Variants in NBAS observed in about 807,000 individuals in gnomAD.
NBAS encodes NAG/BC035112 fusion.
NBAS carries 219 observed loss-of-function variants against 302.5 expected under a neutral mutation model. The observed-to-expected ratio is 0.72, with a 90% CI of 0.65 to 0.81. The LOEUF (loss-of-function observed/expected upper bound fraction) is 0.81, where lower values mean the gene tolerates loss of function less well. Ranked by LOEUF, NBAS falls within the 30% of genes least tolerant of loss-of-function variation. NBAS has a pLI of 0.00. For synonymous variants in NBAS, 1,118 were observed against 1,021.6 expected, an observed-to-expected ratio of 1.09 and a Z score of -1.80; for missense variants, 2,932 against 2,841.6, an observed-to-expected ratio of 1.03 and a Z score of -0.72.
intron 28 of NBAS, among the ~76,000 whole-genome samples, chr2:15,391,276 A>T (rs1326925505): frequency 1.3e-5 from 2 of 152,192 alleles, no homozygotes; most frequent in East Asian, 3.8e-4. Flanking sequence ...TTAGAAAAAC[A>T]GACAAGAGTG....
At chr2:14,889,435 A>C in the NBAS span, among the ~76,000 whole-genome samples, 1 of 152,228 alleles carries the variant, frequency 6.6e-6, no homozygotes, top group East Asian at 1.9e-4. Flanking sequence ...ACTCAAACTG[A>C]AGGTCTCCTA....
At chr2:15,366,068 GA>G (rs1326518256) in intron 32 of NBAS, among the ~76,000 whole-genome samples, 1 of 152,154 alleles carries the variant, frequency 6.6e-6, no homozygotes, top group Non-Finnish European at 1.5e-5. Flanking sequence ...CATCATTTAT[GA>G]GATGATTAAA....
chr2:14,787,222 C>G, the NBAS span, among the ~76,000 whole-genome samples: 1 of 152,164 alleles, frequency 6.6e-6, no homozygotes, highest in African/African-American at 2.4e-5. Flanking sequence ...TGTCTCTGCA[C>G]ATGAGATGGG....
chr2:14,995,664 C>T, the NBAS span, among the ~76,000 whole-genome samples: 1 of 152,198 alleles, frequency 6.6e-6, no homozygotes, highest in South Asian at 2.1e-4. Context: ...CTAGCCTGGA[C>T]ACATCAACAT....
the NBAS span, among the ~76,000 whole-genome samples, chr2:15,120,944 C>G: frequency 2.0e-5 from 3 of 152,166 alleles, no homozygotes; most frequent in Admixed American, 2.0e-4. Flanking sequence ...TAATAAAATG[C>G]CTTTGTCACT....
intron 51 of NBAS, among the ~76,000 whole-genome samples, chr2:15,170,930 C>A (rs1268445696): frequency 1.3e-5 from 2 of 152,190 alleles, no homozygotes; most frequent in Non-Finnish European, 2.9e-5. Context: ...TGCTGGGTGT[C>A]CTGTCCCAAA....
the NBAS span, among the ~76,000 whole-genome samples, chr2:14,873,337 C>T: frequency 6.6e-6 from 1 of 152,226 alleles, no homozygotes; most frequent in Non-Finnish European, 1.5e-5. Context: ...CTTCACCTCT[C>T]ACTAGTAGCT....
intron 11 of NBAS, among the ~76,000 whole-genome samples, chr2:15,503,702 A>G (rs1661695136): frequency 6.6e-6 from 1 of 152,192 alleles, no homozygotes; most frequent in South Asian, 2.1e-4. Flanking sequence ...CTTAAAACCT[A>G]GGGTCAGGAG....
intron 21 of NBAS, among the ~76,000 whole-genome samples, chr2:15,460,350 G>A (rs1017588277): frequency 1.2e-4 from 18 of 152,298 alleles, no homozygotes; most frequent in Admixed American, 1.2e-3. Flanking sequence ...TAACTCAAAT[G>A]CAGAAAAGAT....
At chr2:15,139,450 T>C in the NBAS span, among the ~76,000 whole-genome samples, 2 of 152,176 alleles carry the variant, frequency 1.3e-5, no homozygotes, top group Non-Finnish European at 2.9e-5. Flanking sequence ...GATTTTAATA[T>C]GAGTTACTGC....
chr2:15,157,830 G>A, the NBAS span, among the ~76,000 whole-genome samples: 1 of 152,230 alleles, frequency 6.6e-6, no homozygotes, highest in African/African-American at 2.4e-5. Flanking sequence ...AGGTGACCCT[G>A]CGTGTGTCAC....
chr2:15,277,155 G>C, intron 42 of NBAS, 54 bp from the exon 43 acceptor site: 1 of 1,536,590 alleles, frequency 6.5e-7, no homozygotes, highest in Non-Finnish European at 8.6e-7. Flanking sequence ...TTATTAAAGT[G>C]ATTTTTTTTT....
At chr2:14,825,657 G>A in the NBAS span, among the ~76,000 whole-genome samples, 1 of 152,032 alleles carries the variant, frequency 6.6e-6, no homozygotes, top group African/African-American at 2.4e-5. Flanking sequence ...AAAAAAAAAT[G>A]GTCCCTGTAT....
the NBAS span, among the ~76,000 whole-genome samples, chr2:14,897,432 C>T: frequency 6.6e-6 from 1 of 152,118 alleles, no homozygotes; most frequent in Non-Finnish European, 1.5e-5. Context: ...CATTTATATG[C>T]ACCATTTTTC....
the NBAS span, among the ~76,000 whole-genome samples, chr2:15,005,543 G>A: frequency 2.6e-5 from 4 of 152,334 alleles, no homozygotes; most frequent in African/African-American, 9.6e-5. Context: ...AGGCCAGACT[G>A]GAGCCCAGGA....
intron 48 of NBAS, among the ~76,000 whole-genome samples, chr2:15,193,885 A>G (rs969505927): frequency 2.0e-5 from 3 of 152,124 alleles, no homozygotes; most frequent in Non-Finnish European, 4.4e-5. Flanking sequence ...AAACTATAGG[A>G]GTCATAAAAG....
intron 25 of NBAS, among the ~76,000 whole-genome samples, chr2:15,413,536 G>A (rs9679264): frequency 7.5e-4 from 114 of 152,272 alleles, no homozygotes; most frequent in Middle Eastern, 3.4e-3. Flanking sequence ...TGAAGAAAAC[G>A]GGATCACTAC....
At chr2:15,067,183 A>AG in the NBAS span, among the ~76,000 whole-genome samples, 1 of 148,128 alleles carries the variant, frequency 6.8e-6, no homozygotes, top group African/African-American at 2.5e-5. Context: ...AAAAAAAAAA[A>AG]AAAATCAAAA....
chr2:15,417,533 C>T lies in NBAS; in HGVS notation c.2757G>A (p.Met919Ile). 2.5e-6 allele frequency: 4 copies of T among 1,611,514 alleles called. No individual in the cohort carries two copies. The highest frequency in any genetic ancestry group is 2.5e-6 in the Non-Finnish European group (3 of 1,177,846). ...MKDIEKLRLLMNSCSEDKYVT... is the reference protein window; with the variant it reads ...MKDIEKLRLLINSCSEDKYVT... ...AAGTTAAAATAAAACCTACACTATT[C>T]ATCAGTAATCTTAGTTTTTCAATGT... The change falls in exon 24 of 52, where the codon ATG becomes ATA. Residue 919 changes from methionine (M) to isoleucine (I), a missense_variant. By Grantham distance (10) the Met-to-Ile change is conservative (BLOSUM62 1). Transcript: ENST00000281513.
Sources: allele counts gnomAD v4.1 joint callset (sites outside exome capture counted in the v4.1 genomes callset), GRCh38; gene constraint gnomAD v4.1.1; transcripts MANE v1.5; gene names NCBI Gene and HGNC (gene_info 2026-07-23, HGNC 2026-07-21).